UBASH3B: variants seen among roughly 807,000 people sequenced by gnomAD.
UBASH3B encodes ubiquitin-associated and SH3 domain-containing protein B.
A neutral mutation model predicts 83.4 loss-of-function variants in UBASH3B; 37 were observed. The observed-to-expected ratio is 0.44, with a 90% CI of 0.34 to 0.58. UBASH3B has a LOEUF of 0.58. Among genes scored for constraint, UBASH3B ranks in the 20% least tolerant of loss-of-function variants. The pLI is 0.01. For synonymous variants in UBASH3B, 304 were observed against 318.3 expected, an observed-to-expected ratio of 0.96 and a Z score of 0.48; for missense variants, 657 against 827.2, an observed-to-expected ratio of 0.79 and a Z score of 2.52.
At chr11:122,756,696 C>A (rs115485388) in intron 1 of UBASH3B, among the ~76,000 whole-genome samples, 1,972 of 152,270 alleles carry the variant, frequency 0.013, 50 homozygotes, top group African/African-American at 0.044. Context: ...CAGGAACAAC[C>A]CATCTCCCCT....
In UBASH3B at chr11:122,777,089, TCCGTCCCA is replaced by T; in HGVS notation, c.285_292del (p.Thr97LeufsTer58). On this transcript the variant is annotated frameshift_variant, in exon 3 of 14. Coordinates refer to ENST00000284273, the MANE Select transcript of UBASH3B (RefSeq NM_032873.5). LOFTEE classifies it high-confidence loss of function. ...CTGCCCCGGGAGTACGTCCTCTACC[TCCGTCCCA>T]CCGGCCCCTTAGCACAGAAGCTTTC... is the stretch of plus-strand genomic sequence containing the variant. 1.2e-6 allele frequency: 2 copies of T among 1,613,960 alleles called. No individual in the cohort carries two copies. Among genetic ancestry groups the T allele is most frequent in the Non-Finnish European group, 1.7e-6 (2 of 1,179,966 alleles).
At chr11:122,711,554 T>C (rs1002326725) in intron 1 of UBASH3B, among the ~76,000 whole-genome samples, 4 of 152,236 alleles carry the variant, frequency 2.6e-5, no homozygotes, top group African/African-American at 4.8e-5. Flanking sequence ...TGCAAGGACA[T>C]GTGCCGGGAG....
At chr11:122,742,168 AACCTCTG>A (rs2135960862) in intron 1 of UBASH3B, among the ~76,000 whole-genome samples, 1 of 152,358 alleles carries the variant, frequency 6.6e-6, no homozygotes, top group East Asian at 1.9e-4. Flanking sequence ...CCTTGGTCTT[AACCTCTG>A]ACCTCAGGGA....
In UBASH3B at chr11:122,790,742, T is replaced by G. The variant is rs549163028; in HGVS notation, c.980+1434T>G. 3.3e-5 allele frequency among the ~76,000 whole-genome samples: 5 copies of G among 150,156 alleles called. No homozygotes were observed. In the East Asian group the frequency reaches 9.9e-4, roughly 30 times the overall value. On this transcript the variant is annotated intron_variant, in intron 6 of 13. Transcript: ENST00000284273. The stretch of plus-strand genomic sequence containing the variant: ...TGGGTGGATCACTTGAGGTCAGGAG[T>G]TCAAGACCTGCCAAACCAACATGGT...
intron 1 of UBASH3B, among the ~76,000 whole-genome samples, chr11:122,763,478 C>T (rs1338698472): frequency 6.6e-6 from 1 of 152,172 alleles, no homozygotes; most frequent in Non-Finnish European, 1.5e-5. Flanking sequence ...AGAAAGGCCT[C>T]CCCCACAGGT....
At chr11:122,693,651 T>A (rs2135921940) in intron 1 of UBASH3B, among the ~76,000 whole-genome samples, 1 of 152,156 alleles carries the variant, frequency 6.6e-6, no homozygotes, top group South Asian at 2.1e-4. Context: ...GGTGGGCGGA[T>A]CACTTGAGGT....
chr11:122,665,170 T>A (rs2135894004), intron 1 of UBASH3B, among the ~76,000 whole-genome samples: 2 of 152,284 alleles, frequency 1.3e-5, no homozygotes, highest in South Asian at 4.1e-4. Flanking sequence ...CTGCTGGGAT[T>A]ACAGGTGTGA....
intron 1 of UBASH3B, among the ~76,000 whole-genome samples, chr11:122,699,515 T>C (rs371632747): frequency 5.8e-5 from 8 of 139,082 alleles, no homozygotes; most frequent in African/African-American, 1.1e-4. Flanking sequence ...CTTTCTTTCT[T>C]TCTCTTTCTT....
At chr11:122,771,459 T>A (rs1199264401) in intron 1 of UBASH3B, among the ~76,000 whole-genome samples, 1 of 152,188 alleles carries the variant, frequency 6.6e-6, no homozygotes, top group Non-Finnish European at 1.5e-5. Flanking sequence ...CAGGCTGGTC[T>A]CGAACTCCTC....
intron 1 of UBASH3B, among the ~76,000 whole-genome samples, chr11:122,667,098 C>G (rs1863530070): frequency 7.4e-6 from 1 of 134,454 alleles, no homozygotes. Flanking sequence ...GGCTGGAGTG[C>G]AATGTTGTGA....
intron 1 of UBASH3B, among the ~76,000 whole-genome samples, chr11:122,768,502 G>GTATA (rs1252628123): frequency 3.7e-5 from 5 of 135,014 alleles, no homozygotes; most frequent in Non-Finnish European, 7.9e-5. Flanking sequence ...GTGTGTGTGT[G>GTATA]TGTGTGTATA....
chr11:122,753,959 G>A (rs1158046231), intron 1 of UBASH3B, among the ~76,000 whole-genome samples: 1 of 152,198 alleles, frequency 6.6e-6, no homozygotes, highest in Non-Finnish European at 1.5e-5. Context: ...TCCTAGTGCA[G>A]CGATGTCCAG....
intron 1 of UBASH3B, among the ~76,000 whole-genome samples, chr11:122,715,120 T>G (rs1860495573): frequency 6.6e-6 from 1 of 152,178 alleles, no homozygotes; most frequent in African/African-American, 2.4e-5. Context: ...TAATTTTTTG[T>G]ATTTTTAGTA....
intron 1 of UBASH3B, among the ~76,000 whole-genome samples, chr11:122,660,612 TC>T (rs1209781601): frequency 1.3e-5 from 2 of 152,166 alleles, no homozygotes; most frequent in Non-Finnish European, 2.9e-5. Context: ...AGCACTGTCA[TC>T]CCCCTGCTGA....
chr11:122,681,506 G>C (rs1018861873), intron 1 of UBASH3B, among the ~76,000 whole-genome samples: 4 of 152,160 alleles, frequency 2.6e-5, no homozygotes, highest in African/African-American at 7.2e-5. Flanking sequence ...CTGAAATCAC[G>C]TGTGTAGTAG....
intron 1 of UBASH3B, among the ~76,000 whole-genome samples, chr11:122,667,386 C>T (rs1250876345): frequency 1.3e-5 from 2 of 152,140 alleles, no homozygotes; most frequent in African/African-American, 4.8e-5. Context: ...ATATACTGTA[C>T]AGACACTTCA....
chr11:122,697,647 T>A (rs1212765695), intron 1 of UBASH3B, among the ~76,000 whole-genome samples: 1 of 152,202 alleles, frequency 6.6e-6, no homozygotes, highest in African/African-American at 2.4e-5. Context: ...CACACTTGTT[T>A]CCATCTTCTT....
intron 1 of UBASH3B, among the ~76,000 whole-genome samples, chr11:122,682,123 C>T (rs1863749013): frequency 6.6e-6 from 1 of 152,200 alleles, no homozygotes; most frequent in Admixed American, 6.5e-5. Context: ...ATAGCGAGTG[C>T]AAATTCTCCT....
At chr11:122,769,997 A>G (rs1345458286) in intron 1 of UBASH3B, among the ~76,000 whole-genome samples, 1 of 152,284 alleles carries the variant, frequency 6.6e-6, no homozygotes, top group Non-Finnish European at 1.5e-5. Flanking sequence ...ATGTAAGATC[A>G]TCTTAGCTAC....
Sources: gnomAD v4.1 joint callset for allele counts (sites outside exome capture counted in the v4.1 genomes callset) on GRCh38, gnomAD v4.1.1 for gene constraint, MANE v1.5 for transcripts, NCBI Gene and HGNC (gene_info 2026-07-23, HGNC 2026-07-21) for gene names.